The following PTPRB variants were observed in gnomAD, a reference collection of about 807,000 sequenced individuals.
PTPRB encodes receptor-type tyrosine-protein phosphatase beta.
A neutral mutation model predicts 238.1 loss-of-function variants in PTPRB; 97 were observed. The ratio of observed to expected loss-of-function variants is 0.41; its 90% CI spans 0.35 to 0.48. PTPRB has a LOEUF of 0.48. Ranked by LOEUF, PTPRB falls within the 20% of genes least tolerant of loss-of-function variation. The probability of loss-of-function intolerance (pLI) is 0.30; values close to 1 mark genes in which losing one functional copy is unlikely to be tolerated. For synonymous variants in PTPRB, 970 were observed against 995.4 expected, an observed-to-expected ratio of 0.97 and a Z score of 0.48; for missense variants, 2,292 against 2,681.9, an observed-to-expected ratio of 0.85 and a Z score of 3.21.
intron 4 of PTPRB, among the ~76,000 whole-genome samples, chr12:70,596,533 C>A (rs932559238): frequency 2.0e-5 from 3 of 150,998 alleles, no homozygotes; most frequent in Admixed American, 6.6e-5. Flanking sequence ...AAAAAAAAAA[C>A]CCATTTAGCT....
chr12:70,622,685 T>C, intron 2 of PTPRB, 39 bp from the exon 3 acceptor site: 1 of 1,505,818 alleles, frequency 6.6e-7, no homozygotes, highest in East Asian at 2.5e-5. Context: ...ATTATTCTCA[T>C]GTTTTATGAA....
At chr12:70,543,314 T>C (rs17108317) in intron 22 of PTPRB, among the ~76,000 whole-genome samples, 2,362 of 152,332 alleles carry the variant, frequency 0.016, 63 homozygotes, top group African/African-American at 0.054. Context: ...CATGTTGCTT[T>C]TCAAGACTCA....
intron 2 of PTPRB, among the ~76,000 whole-genome samples, chr12:70,634,994 C>G (rs1477361357): frequency 2.6e-5 from 4 of 152,158 alleles, no homozygotes; most frequent in Non-Finnish European, 4.4e-5. Flanking sequence ...ATTCCTAGCT[C>G]AGGACTGAAC....
At chr12:70,534,407 C>T in intron 31 of PTPRB, 81 bp downstream of exon 31, 1 of 1,485,366 alleles carries the variant, frequency 6.7e-7, no homozygotes, top group Middle Eastern at 2.5e-4. Flanking sequence ...ACCAAATTCC[C>T]CATGCTTATG....
intron 4 of PTPRB, among the ~76,000 whole-genome samples, chr12:70,597,877 A>C (rs1340299243): frequency 6.6e-6 from 1 of 152,246 alleles, no homozygotes; most frequent in Non-Finnish European, 1.5e-5. Flanking sequence ...AATAGACACC[A>C]TAGGCTTAAT....
At position 70,571,744 on chromosome 12, in the gene PTPRB, GA is replaced by G. The variant is rs1880074991; in HGVS notation, c.3106+79del. 3.4e-6 allele frequency: 5 copies of G among 1,484,352 alleles called. No individual in the cohort carries two copies. The South Asian group carries it at 6.7e-5, about 20-fold the overall frequency. The allele number at this position is 1,484,352 out of a possible 1,614,324, so 91.9% of individuals were successfully genotyped here. A position where few individuals can be genotyped will look rare whatever the true frequency, so the allele number is the denominator to read the frequency against. ...AATGTAATGTACTAATGAATAAGCA[GA>G]AAAAATTCAAGGTTCAGATAAATTA... On this transcript the variant is annotated intron_variant, in intron 12 of 33. Coordinates refer to ENST00000334414, the MANE Select transcript of PTPRB (RefSeq NM_001109754.4).
At chr12:70,609,877 C>T in intron 3 of PTPRB, 4 of 1,511,090 alleles carry the variant, frequency 2.6e-6, no homozygotes, top group South Asian at 1.2e-5. Context: ...GCCCGAGGGC[C>T]GGGGCAGGGG....
chr12:70,567,478 C>T (rs1879454983), intron 14 of PTPRB, among the ~76,000 whole-genome samples: 1 of 152,178 alleles, frequency 6.6e-6, no homozygotes, highest in Non-Finnish European at 1.5e-5. Context: ...TCAGAAACTT[C>T]AGTTATCACT....
chr12:70,556,293 G>T, intron 18 of PTPRB, 145 bp from the exon 19 acceptor site: 1 of 754,972 alleles, frequency 1.3e-6, no homozygotes, highest in Non-Finnish European at 2.1e-6. Context: ...CCCTAGCAGA[G>T]ACACATGAGC....
At chr12:70,570,178 G>A (rs1879857521) in intron 13 of PTPRB, among the ~76,000 whole-genome samples, 2 of 152,044 alleles carry the variant, frequency 1.3e-5, no homozygotes, top group Non-Finnish European at 2.9e-5. Context: ...TATAGCGAGG[G>A]GCTAGTTAGG....
chr12:70,570,986 A>C, intron 13 of PTPRB, 40 bp downstream of exon 13: 1 of 1,601,992 alleles, frequency 6.2e-7, no homozygotes, highest in Non-Finnish European at 8.5e-7. Context: ...TAAATGCACC[A>C]CTGCATCTAT....
chr12:70,597,839 C>T (rs923414316), intron 4 of PTPRB, among the ~76,000 whole-genome samples: 1 of 152,092 alleles, frequency 6.6e-6, no homozygotes, highest in South Asian at 2.1e-4. Context: ...TATAAACAGA[C>T]AACTCATAAG....
rs1456938733 is a variant in PTPRB, at chr12:70,563,052, G to A, written c.3960C>T (p.Ser1320=). The A allele has an allele frequency of 1.2e-6, 2 of 1,613,842 alleles. No individual in the cohort carries two copies. The highest frequency in any genetic ancestry group is 1.1e-5 in the South Asian group (1 of 91,068). The change falls in exon 16 of 34, where the codon TCC becomes TCT. Residue 1320 remains serine, a synonymous_variant. Transcript: ENST00000334414. ...RITENSTRHL[S]FRWTASEGEL... ...CCCCCTCTGAGGCGGTCCAGCGGAA[G>A]GACAGGTGCCTGGTGGAGTTCTCTG...
chr12:70,625,333 T>A (rs1226489977), intron 2 of PTPRB, among the ~76,000 whole-genome samples: 2 of 152,206 alleles, frequency 1.3e-5, no homozygotes, highest in African/African-American at 2.4e-5. Flanking sequence ...GTCCTGCTCC[T>A]GGAAACTGCG....
intron 4 of PTPRB, among the ~76,000 whole-genome samples, chr12:70,607,548 CTTTT>C (rs546758555): frequency 7.3e-6 from 1 of 137,106 alleles, no homozygotes. Context: ...TTTTCCTTTT[CTTTT>C]TTTTTTTTTT....
At chr12:70,593,126 G>A (rs1346941066) in intron 6 of PTPRB, among the ~76,000 whole-genome samples, 2 of 152,160 alleles carry the variant, frequency 1.3e-5, no homozygotes, top group Non-Finnish European at 2.9e-5. Flanking sequence ...AAGTTAATGA[G>A]TTGTGTTACT....
chr12:70,628,323 C>T (rs1213212171), intron 2 of PTPRB, among the ~76,000 whole-genome samples: 1 of 152,150 alleles, frequency 6.6e-6, no homozygotes, highest in Non-Finnish European at 1.5e-5. Flanking sequence ...AATGAAATGT[C>T]TGAGTGAAAA....
intron 11 of PTPRB, 31 bp from the exon 12 acceptor site, chr12:70,572,118 TTATG>T: frequency 6.4e-7 from 1 of 1,563,354 alleles, no homozygotes; most frequent in Non-Finnish European, 8.7e-7. Context: ...AACTAAATAT[TTATG>T]AATTCTGAGT....
intron 3 of PTPRB, 111 bp downstream of exon 3, chr12:70,622,279 G>T: frequency 7.0e-7 from 1 of 1,433,102 alleles, no homozygotes; most frequent in Non-Finnish European, 9.5e-7. Context: ...CAGGGTGAGA[G>T]TGCCTAATCC....
Sources: allele counts gnomAD v4.1 joint callset (sites outside exome capture counted in the v4.1 genomes callset), GRCh38; gene constraint gnomAD v4.1.1; transcripts MANE v1.5; gene names NCBI Gene and HGNC (gene_info 2026-07-23, HGNC 2026-07-21).